Variants in C2CD2 observed in about 807,000 individuals in gnomAD.
C2CD2 encodes the protein C2 calcium dependent domain containing 2.
C2CD2 carries 43 observed loss-of-function variants against 74.3 expected under a neutral mutation model. That is an observed-to-expected ratio of 0.58 (90% CI 0.45 to 0.75). C2CD2 has a LOEUF of 0.75. Among genes scored for constraint, C2CD2 ranks in the 30% least tolerant of loss-of-function variants. The pLI is 0.00. For synonymous variants in C2CD2, 422 were observed against 390.7 expected, an observed-to-expected ratio of 1.08 and a Z score of -0.94; for missense variants, 801 against 916.3, an observed-to-expected ratio of 0.87 and a Z score of 1.63.
intron 2 of C2CD2, among the ~76,000 whole-genome samples, chr21:41,931,100 T>C (rs1474335571): frequency 6.6e-6 from 1 of 150,576 alleles, no homozygotes; most frequent in Admixed American, 6.6e-5. Context: ...GAGAAATAAA[T>C]GCACTCGGTG....
chr21:41,909,475 A>G lies in C2CD2; in HGVS notation c.1002T>C (p.Ala334=), dbSNP rs767823677. The G allele has an allele frequency of 6.2e-7, 1 of 1,613,788 alleles. No homozygotes were observed. Residue 334 remains alanine (A), a synonymous_variant, in exon 8 of 14, where the codon GCT becomes GCC. Coordinates refer to ENST00000380486, the MANE Select transcript of C2CD2 (RefSeq NM_015500.2). ...SKELHLQISE[A]GRSSEGLLAT... is the part of the protein sequence containing the mutation. ...TCAACCCACCTTCTGAGGATCGCCCAGCCTCTGAAATCTGCAGGTGTAACT... is the reference window on the plus strand; with the variant it reads ...TCAACCCACCTTCTGAGGATCGCCCGGCCTCTGAAATCTGCAGGTGTAACT...
At chr21:41,913,205 G>A (rs533404127) in intron 6 of C2CD2, among the ~76,000 whole-genome samples, 1 of 152,084 alleles carries the variant, frequency 6.6e-6, no homozygotes, top group African/African-American at 2.4e-5. Context: ...CCAGACAGGT[G>A]CTGTACCTGA....
rs1481999731 is a variant in C2CD2, at chr21:41,903,527, C to A, written c.1433-1778G>T. On this transcript the variant is annotated intron_variant, in intron 11 of 13. Coordinates refer to ENST00000380486, the MANE Select transcript of C2CD2 (RefSeq NM_015500.2). The surrounding 1 kb of genome is among the most constrained non-coding windows in gnomAD (Gnocchi z 4.5). ...TGCCATAGAAAATCTACACATTTGGCGTCAGGAGTGTTGTGAGTAGAGGAA... is the reference window on the plus strand; with the variant it reads ...TGCCATAGAAAATCTACACATTTGGAGTCAGGAGTGTTGTGAGTAGAGGAA... Among the ~76,000 whole-genome samples the A allele has an allele frequency of 2.0e-5, 3 of 152,162 alleles. No individual in the cohort carries two copies. The highest frequency in any genetic ancestry group is 4.4e-5 in the Non-Finnish European group (3 of 68,040).
intron 13 of C2CD2, among the ~76,000 whole-genome samples, chr21:41,896,707 C>CAACA (rs2064826599): frequency 1.4e-5 from 1 of 73,704 alleles, no homozygotes; most frequent in Non-Finnish European, 2.5e-5. Context: ...GTTCTTAAAC[C>CAACA]AAAAAAAAAA....
chr21:41,931,426 CTTTTTT>C (rs34326295), intron 2 of C2CD2, among the ~76,000 whole-genome samples: 1 of 135,926 alleles, frequency 7.4e-6, no homozygotes, highest in Non-Finnish European at 1.6e-5. Flanking sequence ...AGAAGAGTGT[CTTTTTT>C]TTTTTTTTTG....
intron 12 of C2CD2, among the ~76,000 whole-genome samples, chr21:41,900,450 T>C (rs557164539): frequency 1.3e-5 from 2 of 152,322 alleles, no homozygotes; most frequent in East Asian, 3.9e-4. Context: ...ATTTTGCTCA[T>C]TCATTCACCC....
chr21:41,919,014 G>A lies in C2CD2; in HGVS notation c.493-54C>T. On this transcript the variant is annotated intron_variant, in intron 3 of 13. Transcript: ENST00000380486. ...ACTCTTTCCACCAAAGCCTTAATGT[G>A]CACGTGCGTGTGCATGTGACTGTGT... is the stretch of plus-strand genomic sequence containing the variant. 3 of 1,259,874 alleles carry A rather than the reference G, an allele frequency of 2.4e-6. No homozygotes were observed. The South Asian group carries it at 3.6e-5, about 15-fold the overall frequency. The allele number at this position is 1,259,874 out of a possible 1,614,324, so 78.0% of individuals were successfully genotyped here. A position where few individuals can be genotyped will look rare whatever the true frequency, so the allele number is the denominator to read the frequency against.
At chr21:41,928,502 G>A (rs2065234704) in intron 2 of C2CD2, among the ~76,000 whole-genome samples, 1 of 130,432 alleles carries the variant, frequency 7.7e-6, no homozygotes, top group South Asian at 2.5e-4. Flanking sequence ...ATAAATTCCA[G>A]GTTAATGGAA....
intron 13 of C2CD2, among the ~76,000 whole-genome samples, 155 bp downstream of exon 13, chr21:41,898,898 T>G (rs1484600227): frequency 6.6e-6 from 1 of 152,048 alleles, no homozygotes. Context: ...GTTCAAACAT[T>G]CAGCACAGGG....
intron 2 of C2CD2, among the ~76,000 whole-genome samples, chr21:41,930,311 G>A (rs1372107105): frequency 1.3e-5 from 2 of 149,772 alleles, no homozygotes; most frequent in African/African-American, 4.9e-5. Context: ...ATTTCTGAAG[G>A]GCTAAGTAAA....
intron 3 of C2CD2, among the ~76,000 whole-genome samples, chr21:41,920,170 G>T (rs908577168): frequency 6.6e-5 from 10 of 151,734 alleles, no homozygotes; most frequent in African/African-American, 2.4e-4. Flanking sequence ...CCCTGTGACT[G>T]CCGCTAAGGC....
rs2065182478 is a variant in C2CD2 at position 41,923,954 on chromosome 21, AG to A, written c.379-1870del. 6.6e-6 allele frequency among the ~76,000 whole-genome samples: 1 copy of A among 152,156 alleles called. No individual in the cohort carries two copies. Among genetic ancestry groups the A allele is most frequent in the Non-Finnish European group, 1.5e-5 (1 of 68,020 alleles). ...TGGGCTGGACCACAGGGCAGGCACA[AG>A]GGGGTTCCGTAGGTGGCCAGTGTTT... On this transcript the variant is annotated intron_variant, in intron 2 of 13. Transcript: ENST00000380486. The surrounding 1 kb of genome is among the most constrained non-coding windows in gnomAD (Gnocchi z 5.8).
At chr21:41,943,970 G>A (rs899442304) in intron 1 of C2CD2, among the ~76,000 whole-genome samples, 2 of 152,164 alleles carry the variant, frequency 1.3e-5, no homozygotes, top group Non-Finnish European at 2.9e-5. Context: ...GTGATGAGAC[G>A]GTTCTGTGCA....
intron 6 of C2CD2, among the ~76,000 whole-genome samples, chr21:41,913,507 G>T (rs906518114): frequency 6.6e-6 from 1 of 152,166 alleles, no homozygotes; most frequent in Non-Finnish European, 1.5e-5. Flanking sequence ...TGTGAGAGCT[G>T]GGACCCCAAC....
Position 41,945,761 on chromosome 21 carries a change from C to T in C2CD2, c.280-3516G>A, listed in dbSNP as rs1393934988. On this transcript the variant is annotated intron_variant, in intron 1 of 13. Coordinates refer to ENST00000380486, the MANE Select transcript of C2CD2 (RefSeq NM_015500.2). This position sits in a 1 kb window ranked among gnomAD's most constrained non-coding sequence, Gnocchi z 4.2. Reference sequence around the variant, plus strand: ...TGCTTTTCTAAGTGTTTGGAAGTTCCTCCTTCCTTCTTCCCTCTCCTGCCG... The same window carrying T: ...TGCTTTTCTAAGTGTTTGGAAGTTCTTCCTTCCTTCTTCCCTCTCCTGCCG... 1.3e-5 allele frequency among the ~76,000 whole-genome samples: 2 copies of T among 152,116 alleles called. No individual in the cohort carries two copies. Among genetic ancestry groups the T allele is most frequent in the Admixed American group, 1.3e-4 (2 of 15,280 alleles).
chr21:41,914,453 A>G, intron 6 of C2CD2, 145 bp downstream of exon 6: 1 of 587,428 alleles, frequency 1.7e-6, no homozygotes, highest in Non-Finnish European at 2.9e-6. Context: ...TTACATTTTC[A>G]GGTGCTTTCT....
chr21:41,907,593 A>C, intron 9 of C2CD2, 67 bp downstream of exon 9: 1 of 1,550,176 alleles, frequency 6.5e-7, no homozygotes, highest in Non-Finnish European at 8.7e-7. Context: ...TGCAGACATA[A>C]GTGAAGACGC....
In C2CD2 at chr21:41,895,105, T is replaced by G. The variant is rs981898355; in HGVS notation, c.1870+3948A>C. The G allele has an allele frequency of 2.6e-6, 1 of 379,538 alleles. No homozygotes were observed. Among genetic ancestry groups the G allele is most frequent in the Non-Finnish European group, 5.3e-6 (1 of 187,882 alleles). The allele number at this position is 379,538 out of a possible 1,614,324, so 23.5% of individuals were successfully genotyped here. On this transcript the variant is annotated intron_variant, in intron 13 of 13. Transcript: ENST00000380486. This position sits in a 1 kb window ranked among gnomAD's most constrained non-coding sequence, Gnocchi z 5.0. The stretch of plus-strand genomic sequence containing the variant: ...GGAAAGGAGATTATCCTGGAGAATG[T>G]GGGTAGGCCTCATCCAATCAGCTGA...
At chr21:41,925,223 C>T (rs573621140) in intron 2 of C2CD2, among the ~76,000 whole-genome samples, 5 of 152,224 alleles carry the variant, frequency 3.3e-5, no homozygotes, top group South Asian at 4.1e-4. Context: ...TGGTGGCTCA[C>T]GCCTGTAATC....
Sources: allele counts gnomAD v4.1 joint callset (sites outside exome capture counted in the v4.1 genomes callset), GRCh38; gene constraint gnomAD v4.1.1; non-coding constraint Gnocchi (gnomAD v3.1); transcripts MANE v1.5; gene names NCBI Gene and HGNC (gene_info 2026-07-23, HGNC 2026-07-21).